The following RCAN1 variants were observed in gnomAD, a reference collection of about 807,000 sequenced individuals.
RCAN1 encodes regulator of calcineurin 1, also known as calcipressin-1.
In RCAN1, 11 loss-of-function variants were observed where a neutral mutation model predicts 22.9. That is an observed-to-expected ratio of 0.48 (90% CI 0.30 to 0.79). RCAN1 has a LOEUF of 0.79. RCAN1 is among the 30% of genes least tolerant of loss of function. The pLI is 0.06. For synonymous variants in RCAN1, 136 were observed against 142.3 expected (o/e 0.96, Z 0.32); for missense variants, 291 against 337.8 (o/e 0.86, Z 1.09).
chr21:34,525,128 A>T, intron 1 of RCAN1: 1 of 1,550,476 alleles, frequency 6.4e-7, no homozygotes. Flanking sequence ...CTGCAGTGGG[A>T]GCGAGGATTC....
chr21:34,610,359 C>T (rs1029032427), intron 1 of RCAN1, among the ~76,000 whole-genome samples: 2 of 152,122 alleles, frequency 1.3e-5, no homozygotes, highest in African/African-American at 2.4e-5. Context: ...CCCATTAAGG[C>T]GAACGGAGGT....
At chr21:34,527,475 T>A (rs991276757) in intron 1 of RCAN1, among the ~76,000 whole-genome samples, 1 of 152,244 alleles carries the variant, frequency 6.6e-6, no homozygotes, top group Non-Finnish European at 1.5e-5. Context: ...ATGTCCCAAT[T>A]TCTACTTGTA....
intron 1 of RCAN1, among the ~76,000 whole-genome samples, chr21:34,568,121 TC>T (rs982625829): frequency 6.6e-6 from 1 of 152,140 alleles, no homozygotes; most frequent in Non-Finnish European, 1.5e-5. Flanking sequence ...CATGCCATGG[TC>T]CCTTTAGAAG....
intron 1 of RCAN1, among the ~76,000 whole-genome samples, chr21:34,550,423 A>G (rs939651570): frequency 6.6e-6 from 1 of 152,170 alleles, no homozygotes; most frequent in Admixed American, 6.5e-5. Flanking sequence ...TAAATGGGTG[A>G]CTAAGTTAAA....
At chr21:34,558,426 C>T (rs1986666268) in intron 1 of RCAN1, among the ~76,000 whole-genome samples, 1 of 152,148 alleles carries the variant, frequency 6.6e-6, no homozygotes, top group Non-Finnish European at 1.5e-5. Flanking sequence ...ATTGAGATGA[C>T]TGATGAGCTG....
At chr21:34,550,296 C>T (rs1986319740) in intron 1 of RCAN1, among the ~76,000 whole-genome samples, 1 of 152,168 alleles carries the variant, frequency 6.6e-6, no homozygotes, top group Non-Finnish European at 1.5e-5. Flanking sequence ...TTTGCAAATT[C>T]AAAGTGGCTT....
chr21:34,604,887 T>A (rs529777989), intron 1 of RCAN1, among the ~76,000 whole-genome samples: 6 of 152,314 alleles, frequency 3.9e-5, no homozygotes, highest in African/African-American at 1.2e-4. Context: ...AATGAATGAA[T>A]GAATGGATTG....
chr21:34,583,212 C>G (rs1287625032), intron 1 of RCAN1, among the ~76,000 whole-genome samples: 5 of 131,460 alleles, frequency 3.8e-5, no homozygotes, highest in African/African-American at 1.1e-4. Flanking sequence ...CAGTTTCACT[C>G]TTGTCGCCCA....
At chr21:34,550,571 C>T (rs1045113255) in intron 1 of RCAN1, among the ~76,000 whole-genome samples, 1 of 152,176 alleles carries the variant, frequency 6.6e-6, no homozygotes, top group African/African-American at 2.4e-5. Flanking sequence ...AGCAAGGCCT[C>T]TGAGGGAAAT....
chr21:34,521,608 C>G lies in RCAN1; in HGVS notation c.477G>C (p.Gln159His). ...SHLAPPNPDK[Q>H]FLISPPASPP... ...GAGAGGCGGGAGGGGAGATCAGAAA[C>G]TGCTTGTCTGGATTTGGCGGAGCCA... is the stretch of plus-strand genomic sequence containing the variant. The change falls in exon 3 of 4, where the codon CAG becomes CAC. Residue 159 changes from glutamine (Q) to histidine (H), a missense_variant. Gln to His is a conservative substitution (Grantham distance 24). Transcript: ENST00000313806. 1 of 1,614,040 alleles carries G rather than the reference C, an allele frequency of 6.2e-7. No homozygotes were observed.
intron 1 of RCAN1, among the ~76,000 whole-genome samples, chr21:34,590,996 C>T (rs578114797): frequency 1.3e-5 from 2 of 152,230 alleles, no homozygotes; most frequent in African/African-American, 2.4e-5. Context: ...CCTTATGATC[C>T]GTGCACAGCG....
chr21:34,606,103 G>C (rs1205004283), intron 1 of RCAN1, among the ~76,000 whole-genome samples: 2 of 152,110 alleles, frequency 1.3e-5, no homozygotes, highest in Non-Finnish European at 2.9e-5. Flanking sequence ...TTCTTGTAAA[G>C]ATAAAATGAT....
At chr21:34,534,828 T>C (rs1332210656) in intron 1 of RCAN1, among the ~76,000 whole-genome samples, 3 of 152,224 alleles carry the variant, frequency 2.0e-5, no homozygotes, top group Admixed American at 2.0e-4. Context: ...ATGTGCTTCC[T>C]ATGTCCTTGC....
intron 1 of RCAN1, among the ~76,000 whole-genome samples, chr21:34,531,975 A>G (rs1028606946): frequency 2.6e-5 from 4 of 152,044 alleles, no homozygotes; most frequent in African/African-American, 9.7e-5. Context: ...GACCACCACG[A>G]TGGGTATAGA....
chr21:34,539,979 A>G (rs1045587529), intron 1 of RCAN1, among the ~76,000 whole-genome samples: 4 of 152,100 alleles, frequency 2.6e-5, no homozygotes, highest in African/African-American at 9.7e-5. Context: ...CACTCATCTG[A>G]ATTGTTTCTT....
intron 1 of RCAN1, among the ~76,000 whole-genome samples, chr21:34,562,581 A>G (rs545914703): frequency 6.6e-6 from 1 of 152,306 alleles, no homozygotes; most frequent in South Asian, 2.1e-4. Flanking sequence ...AATACTTTCA[A>G]AAGGACACTT....
rs779981350 is a variant in RCAN1 at position 34,518,081 on chromosome 21, A to C, written c.*3T>G. On this transcript the variant is annotated 3_prime_UTR_variant, in exon 4 of 4. Coordinates refer to ENST00000313806, the MANE Select transcript of RCAN1 (RefSeq NM_004414.7). The surrounding 1 kb of genome is among the most constrained non-coding windows in gnomAD (Gnocchi z 4.2). The stretch of plus-strand genomic sequence containing the variant: ...TTGGAATGCGTCCTCGTCGCGTGCC[A>C]GTTCAGCTGAGGTGGATCGGCGTGT... The C allele has an allele frequency of 6.2e-7, 1 of 1,614,000 alleles. No individual in the cohort carries two copies. The highest frequency in any genetic ancestry group is 2.2e-5 in the East Asian group (1 of 44,890).
intron 1 of RCAN1, among the ~76,000 whole-genome samples, chr21:34,598,964 C>A (rs1199971874): frequency 6.6e-6 from 1 of 152,104 alleles, no homozygotes; most frequent in Admixed American, 6.5e-5. Flanking sequence ...TTACGTCTAT[C>A]AGAGATCCTG....
intron 1 of RCAN1, among the ~76,000 whole-genome samples, chr21:34,572,962 C>T (rs902061884): frequency 6.6e-6 from 1 of 151,850 alleles, no homozygotes; most frequent in Non-Finnish European, 1.5e-5. Flanking sequence ...GATCCAGTCA[C>T]CTCCCACCAG....
Sources: gnomAD v4.1 joint callset for allele counts (sites outside exome capture counted in the v4.1 genomes callset) on GRCh38, gnomAD v4.1.1 for gene constraint, Gnocchi (gnomAD v3.1) non-coding constraint, MANE v1.5 for transcripts, NCBI Gene and HGNC (gene_info 2026-07-23, HGNC 2026-07-21) for gene names.